Variants in CHST8 observed in about 807,000 individuals in gnomAD.
The protein encoded by CHST8 is GALNAC-4-ST1.
A neutral mutation model predicts 15.0 loss-of-function variants in CHST8; 10 were observed. The observed-to-expected ratio is 0.67, with a 90% CI of 0.41 to 1.13. CHST8 has a LOEUF of 1.13. Among genes scored for constraint, CHST8 ranks in the 50% most tolerant of loss-of-function variants. The pLI is 0.00. For synonymous variants in CHST8, 259 were observed against 256.6 expected, an observed-to-expected ratio of 1.01 and a Z score of -0.09; for missense variants, 634 against 608.2, an observed-to-expected ratio of 1.04 and a Z score of -0.45.
intron 1 of CHST8, among the ~76,000 whole-genome samples, chr19:33,666,819 C>T (rs909363510): frequency 6.6e-6 from 1 of 152,188 alleles, no homozygotes; most frequent in African/African-American, 2.4e-5. Context: ...TCCCCTGTCT[C>T]AGCCTCCCGC....
chr19:33,756,324 G>A (rs1237160084), intron 3 of CHST8, among the ~76,000 whole-genome samples: 6 of 152,184 alleles, frequency 3.9e-5, no homozygotes, highest in African/African-American at 7.2e-5. Context: ...TGGAAGTCGC[G>A]GGCCTAGGTT....
At chr19:33,681,234 A>T (rs1048688152) in intron 2 of CHST8, among the ~76,000 whole-genome samples, 1 of 152,234 alleles carries the variant, frequency 6.6e-6, no homozygotes, top group Non-Finnish European at 1.5e-5. Flanking sequence ...CCCCTAGGTC[A>T]GGAGTAGCCC....
At chr19:33,694,457 A>T (rs1973170228) in intron 3 of CHST8, among the ~76,000 whole-genome samples, 1 of 151,752 alleles carries the variant, frequency 6.6e-6, no homozygotes, top group Non-Finnish European at 1.5e-5. Context: ...GGGATTGGAC[A>T]GCCCCCGATG....
intron 1 of CHST8, among the ~76,000 whole-genome samples, chr19:33,636,092 T>TAAAAA (rs4012941): frequency 1.4e-5 from 2 of 139,648 alleles, no homozygotes; most frequent in African/African-American, 5.3e-5. Flanking sequence ...TTATCAAAGT[T>TAAAAA]AAAAAAAAAA....
intron 3 of CHST8, among the ~76,000 whole-genome samples, chr19:33,696,065 A>AT (rs972980753): frequency 6.6e-6 from 1 of 151,830 alleles, no homozygotes; most frequent in Non-Finnish European, 1.5e-5. Flanking sequence ...ACCTCAGGTG[A>AT]TCCCCCCACC....
At chr19:33,649,771 G>A (rs1020709055) in intron 1 of CHST8, among the ~76,000 whole-genome samples, 4 of 152,166 alleles carry the variant, frequency 2.6e-5, no homozygotes, top group African/African-American at 9.7e-5. Context: ...CTCTTATTAG[G>A]AGAAAGTTAC....
intron 3 of CHST8, among the ~76,000 whole-genome samples, chr19:33,766,611 G>A (rs1974851154): frequency 6.6e-6 from 1 of 152,234 alleles, no homozygotes; most frequent in Non-Finnish European, 1.5e-5. Context: ...GGACAACAGT[G>A]TTCATCCCAC....
intron 3 of CHST8, among the ~76,000 whole-genome samples, chr19:33,716,946 C>T (rs1392616007): frequency 6.6e-6 from 1 of 152,048 alleles, no homozygotes; most frequent in African/African-American, 2.4e-5. Context: ...CATGGTTTTC[C>T]CTCTGCCCCT....
chr19:33,719,403 T>A (rs941284198), intron 3 of CHST8, among the ~76,000 whole-genome samples: 1 of 152,154 alleles, frequency 6.6e-6, no homozygotes, highest in Non-Finnish European at 1.5e-5. Flanking sequence ...TGGACACTTC[T>A]GTTTTAGGAA....
chr19:33,690,857 T>A (rs1422483949), intron 3 of CHST8, among the ~76,000 whole-genome samples: 1 of 152,186 alleles, frequency 6.6e-6, no homozygotes, highest in Non-Finnish European at 1.5e-5. Context: ...CCTAAGGTCA[T>A]GTGTTATCTG....
chr19:33,655,270 C>T (rs928438326), intron 1 of CHST8, among the ~76,000 whole-genome samples: 3 of 152,184 alleles, frequency 2.0e-5, no homozygotes, highest in African/African-American at 7.2e-5. Flanking sequence ...CTCCTAATCT[C>T]AAGAGATCTG....
chr19:33,746,300 G>A (rs1029647265), intron 3 of CHST8, among the ~76,000 whole-genome samples: 17 of 152,232 alleles, frequency 1.1e-4, no homozygotes, highest in African/African-American at 3.1e-4. Flanking sequence ...AATTGGAGAC[G>A]TGAAACATTT....
At chr19:33,646,201 C>T (rs1972354193) in intron 1 of CHST8, among the ~76,000 whole-genome samples, 1 of 152,116 alleles carries the variant, frequency 6.6e-6, no homozygotes, top group Non-Finnish European at 1.5e-5. Flanking sequence ...AACCTGCCTT[C>T]CTAAAAATTT....
At chr19:33,658,121 C>A (rs1480434750) in intron 1 of CHST8, among the ~76,000 whole-genome samples, 1 of 152,124 alleles carries the variant, frequency 6.6e-6, no homozygotes, top group East Asian at 1.9e-4. Context: ...GGGTGGATCA[C>A]CTGAGGTCAG....
intron 1 of CHST8, among the ~76,000 whole-genome samples, chr19:33,664,439 C>T (rs1273650026): frequency 2.0e-5 from 2 of 99,154 alleles, no homozygotes; most frequent in Middle Eastern, 6.6e-3. Context: ...TCCCCCCTCC[C>T]CCCTCCCCCC....
chr19:33,650,522 T>TC (rs1326010130), intron 1 of CHST8, among the ~76,000 whole-genome samples: 1,260 of 77,880 alleles, frequency 0.016, 69 homozygotes, highest in African/African-American at 0.087. Context: ...TCTTTTCTTT[T>TC]TTTTTTTTTT....
intron 3 of CHST8, among the ~76,000 whole-genome samples, chr19:33,722,200 G>C (rs1375449982): frequency 8.0e-6 from 1 of 125,522 alleles, no homozygotes; most frequent in Admixed American, 8.8e-5. Context: ...TGGATGGATG[G>C]GTGGGTAGAC....
intron 3 of CHST8, among the ~76,000 whole-genome samples, chr19:33,711,028 G>A (rs1973539085): frequency 1.3e-5 from 2 of 152,016 alleles, no homozygotes; most frequent in South Asian, 2.1e-4. Context: ...ATATGACCAT[G>A]TCCAGCTAAT....
intron 1 of CHST8, among the ~76,000 whole-genome samples, chr19:33,638,790 A>G (rs539957684): frequency 6.6e-6 from 1 of 152,144 alleles, no homozygotes; most frequent in East Asian, 1.9e-4. Flanking sequence ...TCTCCAAGTG[A>G]CCTTGGAACC....
Sources: allele counts gnomAD v4.1 joint callset (sites outside exome capture counted in the v4.1 genomes callset), GRCh38; gene constraint gnomAD v4.1.1; transcripts MANE v1.5; gene names NCBI Gene and HGNC (gene_info 2026-07-23, HGNC 2026-07-21).